The following SPI1 variants were observed in gnomAD, a reference collection of about 807,000 sequenced individuals.
SPI1 encodes the protein Spi-1 proto-oncogene.
A neutral mutation model predicts 30.7 loss-of-function variants in SPI1; 3 were observed. The ratio of observed to expected loss-of-function variants is 0.10; its 90% CI spans 0.04 to 0.25. SPI1 has a LOEUF of 0.25. Among genes scored for constraint, SPI1 ranks in the 10% least tolerant of loss-of-function variants. The pLI, the probability that SPI1 is intolerant of heterozygous loss-of-function variation, is 1.00. For synonymous variants in SPI1, 169 were observed against 157.1 expected (o/e 1.08, Z -0.56); for missense variants, 261 against 371.5 (o/e 0.70, Z 2.45).
chr11:47,356,155 C>T (rs1440235902), intron 4 of SPI1, among the ~76,000 whole-genome samples: 1 of 151,146 alleles, frequency 6.6e-6, no homozygotes, highest in Non-Finnish European at 1.5e-5. Context: ...CCCACATCTG[C>T]CCTCACACAC....
At chr11:47,370,194 G>A (rs67472071) in intron 2 of SPI1, among the ~76,000 whole-genome samples, 45,926 of 151,734 alleles carry the variant, frequency 0.3, 7,180 homozygotes, top group Middle Eastern at 0.4. Context: ...CCTGAGGTCA[G>A]GAGTTTGAGA....
At chr11:47,373,025 G>A (rs1303979715) in intron 2 of SPI1, among the ~76,000 whole-genome samples, 1 of 152,140 alleles carries the variant, frequency 6.6e-6, no homozygotes, top group African/African-American at 2.4e-5. Flanking sequence ...CTCTATGGTT[G>A]AGTCTTCAGA....
At chr11:47,357,025 CAA>C (rs1243724595) in intron 4 of SPI1, among the ~76,000 whole-genome samples, 10 of 150,552 alleles carry the variant, frequency 6.6e-5, no homozygotes, top group Admixed American at 1.3e-4. Flanking sequence ...CACCTCACAC[CAA>C]GTCTCACACA....
At chr11:47,373,319 A>G (rs1430785576) in intron 2 of SPI1, among the ~76,000 whole-genome samples, 1 of 138,414 alleles carries the variant, frequency 7.2e-6, no homozygotes, top group African/African-American at 2.7e-5. Flanking sequence ...GCCACTGCAC[A>G]CCAGCCCGGG....
At position 47,356,968 on chromosome 11, in the gene SPI1, G is replaced by A. The variant is rs551198492; in HGVS notation, c.494-1422C>T. On this transcript the variant is annotated intron_variant, in intron 4 of 4. Coordinates refer to ENST00000378538, the MANE Select transcript of SPI1 (RefSeq NM_003120.3). ...CACACACCCACTCACACATGCTCAC[G>A]TCTGCTCACACACATGCTCACCTAT... is the stretch of plus-strand genomic sequence containing the variant. Among the ~76,000 whole-genome samples, 3 of 129,620 alleles carry A rather than the reference G, an allele frequency of 2.3e-5. No homozygotes were observed. In the Admixed American group the frequency reaches 2.4e-4, roughly 11 times the overall value. The allele number at this position is 129,620 out of a possible 152,430, so 85.0% of individuals were successfully genotyped here.
Position 47,375,164 on chromosome 11 carries a change from C to G in SPI1, c.142+469G>C, listed in dbSNP as rs1300530745. Among the ~76,000 whole-genome samples the G allele has an allele frequency of 1.3e-5, 2 of 152,234 alleles. No homozygotes were observed. The highest frequency in any genetic ancestry group is 4.1e-4 in the South Asian group (2 of 4,836). On this transcript the variant is annotated intron_variant, in intron 2 of 4. Coordinates refer to ENST00000378538, the MANE Select transcript of SPI1 (RefSeq NM_003120.3). This position sits in a 1 kb window ranked among gnomAD's most constrained non-coding sequence, Gnocchi z 4.2. Reference sequence around the variant, plus strand: ...TCAGCAGTGCCACAGTTAGGAAACCCTGCCAACCACACATGGCAGGAAGTG... The same window carrying G: ...TCAGCAGTGCCACAGTTAGGAAACCGTGCCAACCACACATGGCAGGAAGTG...
intron 4 of SPI1, among the ~76,000 whole-genome samples, chr11:47,357,390 G>GC (rs1355426174): frequency 1.3e-5 from 2 of 152,056 alleles, no homozygotes; most frequent in Non-Finnish European, 2.9e-5. Flanking sequence ...GCTCACGCAT[G>GC]CACATACATT....
rs1473099406 is a variant in SPI1, at chr11:47,355,293, G to C, written c.747C>G (p.Thr249=). 1 of 1,600,176 alleles carries C rather than the reference G, an allele frequency of 6.2e-7. No homozygotes were observed. The highest frequency in any genetic ancestry group is 1.3e-5 in the African/African-American group (1 of 74,544). ...GEVKKVKKKL[T]YQFSGEVLGR... ...CCAGCACTTCGCCGCTGAACTGGTA[G>C]GTGAGCTTCTTCTTCACCTTCTTGA... Residue 249 remains threonine (T), a synonymous_variant, in exon 5 of 5, where the codon ACC becomes ACG. Transcript: ENST00000378538.
At position 47,359,652 on chromosome 11, in the gene SPI1, G is replaced by C. The variant is rs1377126717; in HGVS notation, c.330+201C>G. On this transcript the variant is annotated intron_variant, in intron 3 of 4. Transcript: ENST00000378538. This position sits in a 1 kb window ranked among gnomAD's most constrained non-coding sequence, Gnocchi z 5.1. The stretch of plus-strand genomic sequence containing the variant: ...AATTATCTGGGGTCTGTCCATACTC[G>C]GGGTGAGATGAGATAAGGGGTGTGG... 6.6e-6 allele frequency among the ~76,000 whole-genome samples: 1 copy of C among 152,036 alleles called. No individual in the cohort carries two copies. The highest frequency in any genetic ancestry group is 1.9e-4 in the East Asian group (1 of 5,198).
intron 2 of SPI1, among the ~76,000 whole-genome samples, chr11:47,360,741 C>A (rs1334808467): frequency 1.4e-5 from 2 of 146,108 alleles, no homozygotes; most frequent in Admixed American, 6.8e-5. Flanking sequence ...AGGAGAATCG[C>A]TTGAACCCGA....
At chr11:47,355,633 G>A (rs890357134) in intron 4 of SPI1, 87 bp from the exon 5 acceptor site, 4 of 1,226,764 alleles carry the variant, frequency 3.3e-6, no homozygotes, top group African/African-American at 1.5e-5. Context: ...GGGGCCCGGG[G>A]ACGGGGTGGC....
Position 47,358,937 on chromosome 11 carries a change from C to T in SPI1, c.400G>A (p.Glu134Lys). 1 of 1,567,680 alleles carries T rather than the reference C, an allele frequency of 6.4e-7. No homozygotes were observed. The highest frequency in any genetic ancestry group is 8.6e-7 in the Non-Finnish European group (1 of 1,156,846). ...LSPAQPSSDE[E>K]EGERQSPPLE... ...GGGGGGCTCTGCCGCTCGCCCTCCT[C>T]CTCATCTGAGCTGGGCTGGGCTGGG... Residue 134 changes from glutamate (E) to lysine (K), a missense_variant, in exon 4 of 5, where the codon GAG (glutamate) becomes AAG (lysine). Physicochemically the swap from Glu to Lys is moderately conservative, Grantham distance 56. Coordinates refer to ENST00000378538, the MANE Select transcript of SPI1 (RefSeq NM_003120.3).
intron 4 of SPI1, among the ~76,000 whole-genome samples, chr11:47,357,242 TCA>T (rs2095912342): frequency 6.7e-6 from 1 of 150,194 alleles, no homozygotes; most frequent in African/African-American, 2.5e-5. Context: ...TGCTCACACA[TCA>T]CACATACCTG....
In SPI1 at chr11:47,377,009, T is replaced by C. The variant is rs907064924; in HGVS notation, c.46-1280A>G. Among the ~76,000 whole-genome samples the C allele has an allele frequency of 3.3e-5, 5 of 152,298 alleles. No homozygotes were observed. In the East Asian group the frequency reaches 9.6e-4, roughly 29 times the overall value. On this transcript the variant is annotated intron_variant, in intron 1 of 4. Transcript: ENST00000378538. Reference sequence around the variant, plus strand: ...GCTTTCTTGAGGCAGAATTGGCTCTTTCTGAGACAACCTCCGTCACCCTCT... The same window carrying C: ...GCTTTCTTGAGGCAGAATTGGCTCTCTCTGAGACAACCTCCGTCACCCTCT...
chr11:47,376,113 G>A (rs1178999607), intron 1 of SPI1, among the ~76,000 whole-genome samples: 1 of 151,660 alleles, frequency 6.6e-6, no homozygotes, highest in Non-Finnish European at 1.5e-5. Context: ...AATCCCACAC[G>A]AGGACTCACT....
chr11:47,355,710 A>T (rs1017330102), intron 4 of SPI1, among the ~76,000 whole-genome samples, 164 bp from the exon 5 acceptor site: 5 of 151,428 alleles, frequency 3.3e-5, no homozygotes, highest in Admixed American at 6.6e-5. Context: ...ACCCACACTC[A>T]CACACACACA....
chr11:47,376,937 T>C (rs2095943194), intron 1 of SPI1, among the ~76,000 whole-genome samples: 1 of 152,176 alleles, frequency 6.6e-6, no homozygotes, highest in Non-Finnish European at 1.5e-5. Context: ...TAGCTCCACC[T>C]GGAGTTCAGA....
At chr11:47,364,676 T>A (rs1412864108) in intron 2 of SPI1, among the ~76,000 whole-genome samples, 1 of 152,110 alleles carries the variant, frequency 6.6e-6, no homozygotes, top group Non-Finnish European at 1.5e-5. Flanking sequence ...TCTGTTTTCC[T>A]CCGCACCCCC....
chr11:47,356,824 C>A (rs2095910681), intron 4 of SPI1, among the ~76,000 whole-genome samples: 1 of 148,608 alleles, frequency 6.7e-6, no homozygotes, highest in Non-Finnish European at 1.5e-5. Flanking sequence ...TTACACACAT[C>A]TCACGTTACT....
Sources: gnomAD v4.1 joint callset for allele counts (sites outside exome capture counted in the v4.1 genomes callset) on GRCh38, gnomAD v4.1.1 for gene constraint, Gnocchi (gnomAD v3.1) non-coding constraint, MANE v1.5 for transcripts, NCBI Gene and HGNC (gene_info 2026-07-23, HGNC 2026-07-21) for gene names.